The following DLC1 variants were observed in gnomAD, a reference collection of about 807,000 sequenced individuals.
DLC1 encodes the protein rho GTPase-activating protein 7.
Under a neutral mutation model 140.3 loss-of-function variants are expected in DLC1, and 54 were observed. The ratio of observed to expected loss-of-function variants is 0.38; its 90% CI spans 0.31 to 0.48. DLC1 has a LOEUF of 0.48. DLC1 is among the 20% of genes least tolerant of loss of function. The pLI is 0.96. For synonymous variants in DLC1, 986 were observed against 728.1 expected, an observed-to-expected ratio of 1.35 and a Z score of -5.70; for missense variants, 2,536 against 1,907.0, an observed-to-expected ratio of 1.33 and a Z score of -6.14.
At chr8:13,248,600 A>T (rs1310868999) in intron 5 of DLC1, among the ~76,000 whole-genome samples, 1 of 152,102 alleles carries the variant, frequency 6.6e-6, no homozygotes, top group Admixed American at 6.6e-5. Context: ...GACACCCCCC[A>T]CATGGTGTAA....
chr8:13,514,604 A>G lies in DLC1; in HGVS notation c.-128T>C. The G allele has an allele frequency of 2.5e-6, 1 of 398,572 alleles. No individual in the cohort carries two copies. Among genetic ancestry groups the G allele is most frequent in the Non-Finnish European group, 4.4e-6 (1 of 226,036 alleles). 24.7% of individuals were successfully genotyped at this position (398,572 alleles called of 1,614,324 possible). On this transcript the variant is annotated splice_region_variant and 5_prime_UTR_variant, in exon 1 of 18. Transcript: ENST00000276297. ...AAAGATAGTCCATAGCGTCTTACCT[A>G]GACAACGAGGAGCTGAAACGCCAAG...
intron 5 of DLC1, among the ~76,000 whole-genome samples, chr8:13,175,231 A>T (rs1336859871): frequency 6.7e-6 from 1 of 149,656 alleles, no homozygotes; most frequent in Non-Finnish European, 1.5e-5. Context: ...TTATTTTTGC[A>T]CCAGTACCAT....
At position 13,586,577 on chromosome 8, in the gene DLC1, G is replaced by A. The variant is rs571790452; in HGVS notation, c.-126+17960C>T. Among the ~76,000 whole-genome samples, 71 of 127,576 alleles carry A rather than the reference G, an allele frequency of 5.6e-4. No homozygotes were observed. In the South Asian group the frequency reaches 0.02, roughly 36 times the overall value. The allele number at this position is 127,576 out of a possible 152,430, so 83.7% of individuals were successfully genotyped here. A position where few individuals can be genotyped will look rare whatever the true frequency, so the allele number is the denominator to read the frequency against. On this transcript the variant is annotated intron_variant, in intron 1 of 1. Transcript: ENST00000631382. ...CTTTTTTAAATATTTAGAGAATAAT[G>A]CAGATGCACATGCACACACACACAC...
At chr8:13,222,184 G>A (rs1048268972) in intron 5 of DLC1, among the ~76,000 whole-genome samples, 4 of 151,498 alleles carry the variant, frequency 2.6e-5, no homozygotes, top group African/African-American at 9.7e-5. Context: ...AGAAATGTAG[G>A]GCCACTCCAA....
At chr8:13,516,476 A>G (rs1802591562), upstream of DLC1, among the ~76,000 whole-genome samples, 1 of 152,102 alleles carries the variant, frequency 6.6e-6, no homozygotes. Context: ...TCTAACTACT[A>G]TTTTTTTCCT....
intron 5 of DLC1, among the ~76,000 whole-genome samples, chr8:13,147,527 G>T (rs1162819170): frequency 6.6e-6 from 1 of 152,138 alleles, no homozygotes; most frequent in Non-Finnish European, 1.5e-5. Context: ...TCACAGTTCT[G>T]GAGCGGGCAG....
chr8:13,582,914 A>ATATATATG (rs1805164848), intron 1 of DLC1, among the ~76,000 whole-genome samples: 2 of 123,006 alleles, frequency 1.6e-5, no homozygotes, highest in Non-Finnish European at 3.4e-5. Context: ...ATATATATAT[A>ATATATATG]TATATGTGGT....
chr8:13,269,981 C>T (rs568486920), intron 5 of DLC1, among the ~76,000 whole-genome samples: 4 of 149,654 alleles, frequency 2.7e-5, no homozygotes, highest in South Asian at 2.1e-4. Context: ...GGTGTGAACC[C>T]GGGAGGTGGA....
chr8:13,551,949 C>A (rs891087122), intron 1 of DLC1, among the ~76,000 whole-genome samples: 2 of 141,552 alleles, frequency 1.4e-5, no homozygotes, highest in Admixed American at 7.3e-5. Flanking sequence ...ATATATGTAC[C>A]TCTAGACAGG....
At position 13,514,583 on chromosome 8, in the gene DLC1, A is replaced by G; in HGVS notation, c.-126+19T>C. The G allele has an allele frequency of 5.0e-6, 2 of 398,554 alleles. No individual in the cohort carries two copies. The highest frequency in any genetic ancestry group is 8.8e-6 in the Non-Finnish European group (2 of 226,030). The allele number at this position is 398,554 out of a possible 1,614,324, so 24.7% of individuals were successfully genotyped here. A position where few individuals can be genotyped will look rare whatever the true frequency, so the allele number is the denominator to read the frequency against. Reference sequence around the variant, plus strand: ...TCAAAGACCGCCTCAAAGCATAAAGATAGTCCATAGCGTCTTACCTAGACA... The same window carrying G: ...TCAAAGACCGCCTCAAAGCATAAAGGTAGTCCATAGCGTCTTACCTAGACA... On this transcript the variant is annotated intron_variant, in intron 1 of 17. Transcript: ENST00000276297.
chr8:13,490,455 T>C (rs1228036394), intron 2 of DLC1, among the ~76,000 whole-genome samples: 1 of 152,202 alleles, frequency 6.6e-6, no homozygotes, highest in Non-Finnish European at 1.5e-5. Flanking sequence ...GGGATAAGTA[T>C]ATTATTTGTA....
At chr8:13,557,527 C>T (rs888535717) in intron 1 of DLC1, 9 of 152,236 alleles carry the variant, frequency 5.9e-5, no homozygotes, top group African/African-American at 1.7e-4. Flanking sequence ...TCCAGGTGGA[C>T]GTGATTGGAT....
intron 2 of DLC1, among the ~76,000 whole-genome samples, chr8:13,494,076 T>G (rs759312892): frequency 2.0e-5 from 3 of 152,228 alleles, no homozygotes; most frequent in Non-Finnish European, 4.4e-5. Context: ...AAACATCACT[T>G]AATATATCAA....
intron 5 of DLC1, among the ~76,000 whole-genome samples, chr8:13,242,007 A>G (rs1410200976): frequency 2.0e-5 from 3 of 152,300 alleles, no homozygotes; most frequent in South Asian, 4.1e-4. Flanking sequence ...GGGATTATCC[A>G]TGGATTAGGA....
At chr8:13,545,187 G>T (rs117494847) in intron 1 of DLC1, among the ~76,000 whole-genome samples, 4,747 of 151,870 alleles carry the variant, frequency 0.031, 128 homozygotes, top group Non-Finnish European at 0.041. Flanking sequence ...AACTAACATT[G>T]CATTTAAAAT....
intron 5 of DLC1, among the ~76,000 whole-genome samples, chr8:13,273,729 T>TGTGTGG (rs1831045884): frequency 1.8e-5 from 1 of 55,636 alleles, no homozygotes. Context: ...TGTGTGTGTG[T>TGTGTGG]AAGGGGGAAG....
At chr8:13,101,238 A>T (rs1415608188) in intron 8 of DLC1, among the ~76,000 whole-genome samples, 1 of 152,172 alleles carries the variant, frequency 6.6e-6, no homozygotes, top group East Asian at 1.9e-4. Context: ...AATAACAAAG[A>T]TGTATTTAAA....
intron 5 of DLC1, among the ~76,000 whole-genome samples, chr8:13,231,026 A>T (rs1829023701): frequency 1.3e-5 from 2 of 152,044 alleles, no homozygotes; most frequent in South Asian, 4.2e-4. Flanking sequence ...TGTGTCACAC[A>T]CCTGTATGGC....
At chr8:13,551,069 CACACA>C (rs780063135) in intron 1 of DLC1, among the ~76,000 whole-genome samples, 2 of 44,896 alleles carry the variant, frequency 4.5e-5, no homozygotes, top group African/African-American at 1.1e-4. Flanking sequence ...CACACACACA[CACACA>C]CTTTTTTTTT....
Sources: gnomAD v4.1 joint callset for allele counts (sites outside exome capture counted in the v4.1 genomes callset) on GRCh38, gnomAD v4.1.1 for gene constraint, MANE v1.5 for transcripts, NCBI Gene and HGNC (gene_info 2026-07-23, HGNC 2026-07-21) for gene names.